Variants in KCTD16 observed in about 807,000 individuals in gnomAD.
KCTD16 encodes the protein BTB/POZ domain-containing protein KCTD16.
A neutral mutation model predicts 33.2 loss-of-function variants in KCTD16; 13 were observed. The ratio of observed to expected loss-of-function variants is 0.39; its 90% CI spans 0.25 to 0.62. The LOEUF is 0.62. Ranked by LOEUF, KCTD16 falls within the 20% of genes least tolerant of loss-of-function variation. The probability of loss-of-function intolerance (pLI) is 0.50; values close to 1 mark genes in which losing one functional copy is unlikely to be tolerated. For missense variants in KCTD16, 441 were observed against 525.1 expected (o/e 0.84, Z 1.57); for synonymous variants, 197 against 195.3 (o/e 1.01, Z -0.07).
intron 3 of KCTD16, among the ~76,000 whole-genome samples, chr5:144,461,642 G>A (rs143506805): frequency 1.3e-5 from 2 of 152,280 alleles, no homozygotes; most frequent in Non-Finnish European, 2.9e-5. Context: ...ACACAGTAAT[G>A]ATCTGGTCGC....
At position 144,173,938 on chromosome 5, in the gene KCTD16, GGAT is replaced by G. The variant is rs1319258118; in HGVS notation, c.-492-368_-492-366del. Among the ~76,000 whole-genome samples the G allele has an allele frequency of 2.0e-5, 3 of 148,182 alleles. No individual in the cohort carries two copies. The East Asian group carries it at 5.9e-4, about 29-fold the overall frequency. ...TTTTTGGCATTGCTCCCTCACTCTG[GGAT>G]AGGCTCCAGAAAGTTATATTAAAGG... On this transcript the variant is annotated intron_variant, in intron 1 of 3. Coordinates refer to ENST00000512467, the MANE Select transcript of KCTD16 (RefSeq NM_020768.4).
At chr5:144,328,100 T>C (rs1309248175) in intron 3 of KCTD16, among the ~76,000 whole-genome samples, 1 of 152,160 alleles carries the variant, frequency 6.6e-6, no homozygotes, top group Non-Finnish European at 1.5e-5. Context: ...GAAAAGTGAG[T>C]GTAGAGCAGT....
At chr5:144,398,881 T>G (rs1275379508) in intron 3 of KCTD16, among the ~76,000 whole-genome samples, 1 of 152,158 alleles carries the variant, frequency 6.6e-6, no homozygotes, top group Non-Finnish European at 1.5e-5. Context: ...TTGTTAAATT[T>G]TGGTACTTCC....
In KCTD16 at chr5:144,318,849, T is replaced by A. The variant is rs10058974; in HGVS notation, c.832+111303T>A. Among the ~76,000 whole-genome samples the A allele has an allele frequency of 3.5e-3, 537 of 152,318 alleles. 2 individuals are homozygous for A. The highest frequency in any genetic ancestry group is 0.012 in the African/African-American group (497 of 41,586). ...GGGTTTACATGGTTCACATTTTAATTGCTACATATTTATTTTATTAAAAAT... is the reference window on the plus strand; with the variant it reads ...GGGTTTACATGGTTCACATTTTAATAGCTACATATTTATTTTATTAAAAAT... On this transcript the variant is annotated intron_variant, in intron 3 of 3. Transcript: ENST00000512467.
intron 3 of KCTD16, among the ~76,000 whole-genome samples, chr5:144,258,978 G>A (rs1314631118): frequency 6.6e-6 from 1 of 152,120 alleles, no homozygotes; most frequent in African/African-American, 2.4e-5. Context: ...AAGGGATGAG[G>A]CCGGGTGCGG....
intron 3 of KCTD16, among the ~76,000 whole-genome samples, chr5:144,455,127 T>C (rs1365515351): frequency 6.6e-6 from 1 of 152,102 alleles, no homozygotes; most frequent in Non-Finnish European, 1.5e-5. Flanking sequence ...AGCTTCTGTC[T>C]GTGAGTCAGG....
chr5:144,189,717 C>A (rs1752803906), intron 2 of KCTD16, among the ~76,000 whole-genome samples: 1 of 152,120 alleles, frequency 6.6e-6, no homozygotes, highest in African/African-American at 2.4e-5. Context: ...AATACACATG[C>A]CCTTTAGTTT....
At chr5:144,463,448 C>T (rs558011800) in intron 3 of KCTD16, among the ~76,000 whole-genome samples, 5 of 131,088 alleles carry the variant, frequency 3.8e-5, no homozygotes, top group South Asian at 2.4e-4. Flanking sequence ...ATTTTCTAGG[C>T]ACTGTCATCA....
chr5:144,178,714 ATAT>A (rs1463532833), intron 2 of KCTD16, among the ~76,000 whole-genome samples: 5 of 152,230 alleles, frequency 3.3e-5, no homozygotes, highest in African/African-American at 1.2e-4. Context: ...ATCATTTAAA[ATAT>A]TATTTGATTC....
At chr5:144,306,607 T>C in intron 3 of KCTD16, among the ~76,000 whole-genome samples, 1 of 152,190 alleles carries the variant, frequency 6.6e-6, no homozygotes, top group Non-Finnish European at 1.5e-5. Flanking sequence ...ACTAAGTGAC[T>C]TTCCCCTGGG....
At chr5:144,447,178 C>T (rs4624819) in intron 3 of KCTD16, among the ~76,000 whole-genome samples, 19 of 152,090 alleles carry the variant, frequency 1.2e-4, no homozygotes, top group Admixed American at 1.2e-3. Flanking sequence ...CAATGTTAGA[C>T]TGGATAAAGA....
At chr5:144,416,743 G>A (rs570092738) in intron 3 of KCTD16, among the ~76,000 whole-genome samples, 1 of 152,150 alleles carries the variant, frequency 6.6e-6, no homozygotes, top group Non-Finnish European at 1.5e-5. Flanking sequence ...TCACTCGAAA[G>A]TAAAACTCCT....
At chr5:144,383,878 C>T (rs1290008893) in intron 3 of KCTD16, among the ~76,000 whole-genome samples, 1 of 152,148 alleles carries the variant, frequency 6.6e-6, no homozygotes, top group Non-Finnish European at 1.5e-5. Flanking sequence ...GGGTTTGAAA[C>T]ACTTCGTTAA....
intron 3 of KCTD16, among the ~76,000 whole-genome samples, chr5:144,308,974 A>G (rs559489406): frequency 1.5e-4 from 23 of 152,150 alleles, no homozygotes; most frequent in African/African-American, 5.3e-4. Flanking sequence ...AGAAGAGAAG[A>G]CTGAGAGCTG....
At chr5:144,298,902 T>C (rs1318563042) in intron 3 of KCTD16, among the ~76,000 whole-genome samples, 1 of 150,502 alleles carries the variant, frequency 6.6e-6, no homozygotes, top group East Asian at 2.0e-4. Context: ...TATTATTATG[T>C]AGATGAATTT....
chr5:144,212,152 A>G (rs2126794782), intron 3 of KCTD16, among the ~76,000 whole-genome samples: 1 of 152,224 alleles, frequency 6.6e-6, no homozygotes, highest in Non-Finnish European at 1.5e-5. Context: ...GTCAGTTTAG[A>G]CCCATGCTCA....
At chr5:144,253,643 G>T (rs1174482937) in intron 3 of KCTD16, among the ~76,000 whole-genome samples, 1 of 152,088 alleles carries the variant, frequency 6.6e-6, no homozygotes, top group Non-Finnish European at 1.5e-5. Context: ...TAAAGAAAAA[G>T]AATACCGTTT....
rs145265300 is a variant in KCTD16 at position 144,465,079 on chromosome 5, G to A, written c.833-8581G>A. On this transcript the variant is annotated intron_variant, in intron 3 of 3. Coordinates refer to ENST00000512467, the MANE Select transcript of KCTD16 (RefSeq NM_020768.4). ...AGCATTGTAATTTTTACCTCCCTTTGCTGATTGCAAAGATTCAATGAAATA... is the reference window on the plus strand; with the variant it reads ...AGCATTGTAATTTTTACCTCCCTTTACTGATTGCAAAGATTCAATGAAATA... 3.7e-3 allele frequency among the ~76,000 whole-genome samples: 557 copies of A among 151,910 alleles called. 2 individuals carry two copies. Among genetic ancestry groups the A allele is most frequent in the Non-Finnish European group, 4.7e-3 (322 of 67,984 alleles).
At chr5:144,393,952 C>CT (rs1752507812) in intron 3 of KCTD16, among the ~76,000 whole-genome samples, 1 of 140,084 alleles carries the variant, frequency 7.1e-6, no homozygotes, top group African/African-American at 2.7e-5. Flanking sequence ...TCCTTTTTTT[C>CT]TTTCTTTTTT....
Sources: gnomAD v4.1 joint callset for allele counts (sites outside exome capture counted in the v4.1 genomes callset) on GRCh38, gnomAD v4.1.1 for gene constraint, MANE v1.5 for transcripts, NCBI Gene and HGNC (gene_info 2026-07-23, HGNC 2026-07-21) for gene names.